GALNTL6: variants seen among roughly 807,000 people sequenced by gnomAD.
The protein encoded by GALNTL6 is polypeptide N-acetylgalactosaminyltransferase-like 6.
Under a neutral mutation model 73.7 loss-of-function variants are expected in GALNTL6, and 46 were observed. That is an observed-to-expected ratio of 0.62 (90% confidence interval 0.49 to 0.80). GALNTL6 has a LOEUF of 0.80. GALNTL6 is among the 30% of genes least tolerant of loss of function. The pLI is 0.00. For synonymous variants in GALNTL6, 259 were observed against 263.7 expected (o/e 0.98, Z 0.17); for missense variants, 604 against 755.0 (o/e 0.80, Z 2.34).
At chr4:171,835,031 A>C (rs780436745) in intron 2 of GALNTL6, among the ~76,000 whole-genome samples, 1 of 152,036 alleles carries the variant, frequency 6.6e-6, no homozygotes, top group African/African-American at 2.4e-5. Context: ...TTATTGACAG[A>C]CAAAGAACAT....
At chr4:172,089,247 C>T (rs962714503) in intron 2 of GALNTL6, among the ~76,000 whole-genome samples, 37 of 152,208 alleles carry the variant, frequency 2.4e-4, no homozygotes, top group African/African-American at 8.7e-4. Flanking sequence ...AAAAAAAAGA[C>T]TAATGTCTGG....
At chr4:172,365,738 G>A (rs1309955407) in intron 5 of GALNTL6, among the ~76,000 whole-genome samples, 2 of 151,600 alleles carry the variant, frequency 1.3e-5, no homozygotes, top group Non-Finnish European at 2.9e-5. Context: ...TGTATGTAGT[G>A]CGAGCCTCTA....
intron 12 of GALNTL6, among the ~76,000 whole-genome samples, chr4:173,037,847 A>C (rs1753757231): frequency 6.6e-6 from 1 of 151,636 alleles, no homozygotes. Context: ...GGTTCAAGCG[A>C]TTCTCCTGCC....
intron 2 of GALNTL6, among the ~76,000 whole-genome samples, chr4:172,146,870 A>C (rs1472094255): frequency 6.6e-6 from 1 of 152,214 alleles, no homozygotes; most frequent in African/African-American, 2.4e-5. Flanking sequence ...ATTAATCAAT[A>C]AGCACATATT....
At chr4:172,184,925 C>T (rs1332605118) in intron 2 of GALNTL6, among the ~76,000 whole-genome samples, 15 of 152,124 alleles carry the variant, frequency 9.9e-5, no homozygotes, top group Admixed American at 8.5e-4. Flanking sequence ...TTCATTCCAC[C>T]CTTGTGGCCT....
rs79218226 is a variant in GALNTL6 at position 172,034,483 on chromosome 4, G to C, written c.139-195173G>C. Among the ~76,000 whole-genome samples, 787 of 149,502 alleles carry C rather than the reference G, an allele frequency of 5.3e-3. 8 individuals are homozygous for C. The highest frequency in any genetic ancestry group is 0.016 in the African/African-American group (668 of 40,744). ...GGAATAAATAGAAACATGCAATCTT[G>C]AAACACAAATGAGAATATTCAGCAT... On this transcript the variant is annotated intron_variant, in intron 2 of 12. Coordinates refer to ENST00000506823, the MANE Select transcript of GALNTL6 (RefSeq NM_001034845.3).
At chr4:171,891,565 G>A (rs1010960082) in intron 2 of GALNTL6, among the ~76,000 whole-genome samples, 1 of 152,150 alleles carries the variant, frequency 6.6e-6, no homozygotes, top group Non-Finnish European at 1.5e-5. Context: ...GATTTCTGTA[G>A]TGTCATACTG....
Position 171,950,373 on chromosome 4 carries a change from G to T in GALNTL6, c.138+135655G>T, listed in dbSNP as rs141896551. Among the ~76,000 whole-genome samples, 231 of 152,014 alleles carry T rather than the reference G, an allele frequency of 1.5e-3. 3 individuals carry two copies. The East Asian group carries it at 0.036, about 23-fold the overall frequency. ...ATTAGTTAACGTAGGTTAAAAAAGAGAAAACATCAACCTTATAAATCAACA... is the reference window on the plus strand; with the variant it reads ...ATTAGTTAACGTAGGTTAAAAAAGATAAAACATCAACCTTATAAATCAACA... On this transcript the variant is annotated intron_variant, in intron 2 of 12. Transcript: ENST00000506823.
At chr4:172,987,511 A>G (rs992364031) in intron 10 of GALNTL6, among the ~76,000 whole-genome samples, 3 of 152,240 alleles carry the variant, frequency 2.0e-5, no homozygotes, top group Admixed American at 2.0e-4. Context: ...CAGCCAAACC[A>G]TATCAGTCCA....
intron 2 of GALNTL6, among the ~76,000 whole-genome samples, chr4:171,926,231 C>T (rs1377464188): frequency 6.6e-6 from 1 of 152,026 alleles, no homozygotes; most frequent in African/African-American, 2.4e-5. Flanking sequence ...CATCAGTTAT[C>T]TATATTGCCA....
At chr4:172,123,317 CACAT>C (rs1009899641) in intron 2 of GALNTL6, among the ~76,000 whole-genome samples, 17 of 152,234 alleles carry the variant, frequency 1.1e-4, no homozygotes, top group African/African-American at 4.1e-4. Flanking sequence ...AGAATACCCA[CACAT>C]AGTTTCCAAA....
chr4:172,314,287 T>A (rs1378156033), intron 4 of GALNTL6, among the ~76,000 whole-genome samples: 1 of 152,172 alleles, frequency 6.6e-6, no homozygotes, highest in East Asian at 1.9e-4. Context: ...GTAAGCCAAT[T>A]GAAACTAGTC....
At chr4:172,206,566 A>T (rs576113797) in intron 2 of GALNTL6, among the ~76,000 whole-genome samples, 6 of 152,130 alleles carry the variant, frequency 3.9e-5, no homozygotes, top group Non-Finnish European at 8.8e-5. Flanking sequence ...GATGCAATAG[A>T]TAGTGACAGA....
chr4:172,387,564 T>C (rs537500099), intron 5 of GALNTL6, among the ~76,000 whole-genome samples: 25 of 152,296 alleles, frequency 1.6e-4, no homozygotes, highest in African/African-American at 5.8e-4. Context: ...GCTTTCTATC[T>C]TCTCTTTTTG....
At chr4:172,187,874 T>C (rs1735461379) in intron 2 of GALNTL6, among the ~76,000 whole-genome samples, 1 of 152,222 alleles carries the variant, frequency 6.6e-6, no homozygotes, top group Non-Finnish European at 1.5e-5. Flanking sequence ...ATTAGTGGAA[T>C]GTTTTCAATG....
At position 172,806,808 on chromosome 4, in the gene GALNTL6, A is replaced by G. The variant is rs548515141; in HGVS notation, c.554-2553A>G. The stretch of plus-strand genomic sequence containing the variant: ...GTTGAGACACTATTTCCATGAGACA[A>G]TATCTTTTGTGGTCCAAAAAACCGA... On this transcript the variant is annotated intron_variant, in intron 5 of 12. Transcript: ENST00000506823. 3.3e-5 allele frequency among the ~76,000 whole-genome samples: 5 copies of G among 152,306 alleles called. No homozygotes were observed. The South Asian group carries it at 1.0e-3, about 32-fold the overall frequency.
In GALNTL6 at chr4:172,781,122, C is replaced by T. The variant is rs866278360; in HGVS notation, c.554-28239C>T. ...AACAAGAAAGGCTAAACCAAAAGGC[C>T]GTAAGTTAAGGAAGTCTGCCTGCAC... On this transcript the variant is annotated intron_variant, in intron 5 of 12. Coordinates refer to ENST00000506823, the MANE Select transcript of GALNTL6 (RefSeq NM_001034845.3). Among the ~76,000 whole-genome samples the T allele has an allele frequency of 4.6e-5, 7 of 152,184 alleles. No homozygotes were observed. In the East Asian group the frequency reaches 5.8e-4, roughly 13 times the overall value.
At chr4:172,401,058 A>G (rs1744016796) in intron 5 of GALNTL6, among the ~76,000 whole-genome samples, 1 of 152,182 alleles carries the variant, frequency 6.6e-6, no homozygotes, top group Non-Finnish European at 1.5e-5. Flanking sequence ...TGTTAGTGAC[A>G]TATTGAAAGG....
intron 5 of GALNTL6, among the ~76,000 whole-genome samples, chr4:172,476,313 C>T (rs150819383): frequency 6.5e-4 from 99 of 152,326 alleles, no homozygotes; most frequent in African/African-American, 2.2e-3. Context: ...TGCAAAGGCA[C>T]TAATTGCATT....
Sources: allele counts gnomAD v4.1 joint callset (sites outside exome capture counted in the v4.1 genomes callset), GRCh38; gene constraint gnomAD v4.1.1; transcripts MANE v1.5; gene names NCBI Gene and HGNC (gene_info 2026-07-23, HGNC 2026-07-21).